Variants in UMAD1 observed in about 807,000 individuals in gnomAD.
The protein encoded by UMAD1 is UBAP1-MVB12-associated (UMA) domain containing 1, also known as UBAP1-MVB12-associated (UMA)-domain containing protein 1.
Under a neutral mutation model 6.1 loss-of-function variants are expected in UMAD1, and 8 were observed. That is an observed-to-expected ratio of 1.30 (90% CI 0.76 to 2.35). The LOEUF (loss-of-function observed/expected upper bound fraction) is 2.35. UMAD1 is among the 30% of genes most tolerant of loss of function. The pLI is 0.00. For synonymous variants in UMAD1, 56 were observed against 31.4 expected, an observed-to-expected ratio of 1.78 and a Z score of -2.61; for missense variants, 130 against 78.4, an observed-to-expected ratio of 1.66 and a Z score of -2.49.
At chr7:7,763,590 A>G (rs968797616) in intron 2 of UMAD1, among the ~76,000 whole-genome samples, 2 of 152,202 alleles carry the variant, frequency 1.3e-5, no homozygotes, top group African/African-American at 4.8e-5. Flanking sequence ...TAAGATTGAA[A>G]TTTAGGCCGG....
chr7:7,654,726 A>T (rs923325632), intron 1 of UMAD1, among the ~76,000 whole-genome samples: 2 of 152,120 alleles, frequency 1.3e-5, no homozygotes, highest in Non-Finnish European at 2.9e-5. Flanking sequence ...AATATGGTGA[A>T]ACCCCATCTC....
intron 2 of UMAD1, among the ~76,000 whole-genome samples, chr7:7,688,483 C>T (rs2115133343): frequency 6.6e-6 from 1 of 152,148 alleles, no homozygotes; most frequent in East Asian, 1.9e-4. Flanking sequence ...CTGCCTTGCC[C>T]TCAGCCCCGT....
At chr7:7,718,990 A>G (rs77244216) in intron 2 of UMAD1, among the ~76,000 whole-genome samples, 2,885 of 152,212 alleles carry the variant, frequency 0.019, 94 homozygotes, top group African/African-American at 0.066. Flanking sequence ...TCATATATTT[A>G]ATTCCAAAGA....
chr7:7,645,434 T>C (rs534211376), intron 1 of UMAD1, among the ~76,000 whole-genome samples: 5 of 152,348 alleles, frequency 3.3e-5, no homozygotes, highest in African/African-American at 1.2e-4. Context: ...TAGTTCTACA[T>C]TCAATATCTA....
At chr7:7,819,970 C>G (rs1192478083) in intron 3 of UMAD1, among the ~76,000 whole-genome samples, 1 of 152,156 alleles carries the variant, frequency 6.6e-6, no homozygotes, top group Admixed American at 6.5e-5. Context: ...GTGTTAAGTT[C>G]TAAGACTCAT....
At chr7:7,653,967 T>A (rs1023991209) in intron 1 of UMAD1, among the ~76,000 whole-genome samples, 2 of 152,186 alleles carry the variant, frequency 1.3e-5, no homozygotes, top group African/African-American at 2.4e-5. Context: ...GAAACCTTGG[T>A]CCAATGTAAT....
At position 7,792,431 on chromosome 7, in the gene UMAD1, T is replaced by C. The variant is rs1419091692; in HGVS notation, c.83-9239T>C. Among the ~76,000 whole-genome samples the C allele has an allele frequency of 2.6e-5, 4 of 152,206 alleles. No individual in the cohort carries two copies. The East Asian group carries it at 7.7e-4, about 29-fold the overall frequency. On this transcript the variant is annotated intron_variant, in intron 2 of 3. Coordinates refer to ENST00000682710, the MANE Select transcript of UMAD1 (RefSeq NM_001302348.2). ...CAGACAGGGATTAAATGGACAGAAT[T>C]AGAAAAAGTAGGAGGGGAAACTAAA...
intron 2 of UMAD1, chr7:7,741,940 T>A: frequency 4.4e-6 from 1 of 227,982 alleles, no homozygotes; most frequent in Non-Finnish European, 8.9e-6. Flanking sequence ...AAATCAATCG[T>A]TTTATAGTTA....
At chr7:7,873,715 C>T (rs550265403) in intron 3 of UMAD1, among the ~76,000 whole-genome samples, 15 of 152,282 alleles carry the variant, frequency 9.9e-5, no homozygotes, top group East Asian at 1.9e-4. Context: ...TGCTTTGTGA[C>T]GAGTTCCTTC....
chr7:7,668,851 C>G (rs1003627327), intron 1 of UMAD1, among the ~76,000 whole-genome samples: 3 of 152,118 alleles, frequency 2.0e-5, no homozygotes, highest in African/African-American at 7.2e-5. Context: ...AGCTTAAGCC[C>G]TCAAGGCCTC....
intron 3 of UMAD1, among the ~76,000 whole-genome samples, chr7:7,875,685 G>A (rs1317465489): frequency 1.3e-5 from 2 of 152,194 alleles, no homozygotes; most frequent in Non-Finnish European, 2.9e-5. Context: ...TTGTGAAATT[G>A]AGGCAGTAAT....
At chr7:7,846,216 A>G (rs934898447) in intron 3 of UMAD1, among the ~76,000 whole-genome samples, 2 of 152,180 alleles carry the variant, frequency 1.3e-5, no homozygotes, top group African/African-American at 4.8e-5. Flanking sequence ...GACACGTGTA[A>G]AGAATATATA....
chr7:7,647,918 TTTG>T lies in UMAD1; in HGVS notation c.-64+7109_-64+7111del, dbSNP rs376541808. Among the ~76,000 whole-genome samples, 23 of 152,302 alleles carry T rather than the reference TTTG, an allele frequency of 1.5e-4. No individual in the cohort carries two copies. The East Asian group carries it at 1.7e-3, about 12-fold the overall frequency. ...CTGTGCCTGGCTTGGCTTTAAAGTT[TTTG>T]TTGTTGTTGTTTGCTACTATTATAG... On this transcript the variant is annotated intron_variant, in intron 1 of 3. Coordinates refer to ENST00000682710, the MANE Select transcript of UMAD1 (RefSeq NM_001302348.2).
chr7:7,723,754 G>T (rs1175007018), intron 2 of UMAD1, among the ~76,000 whole-genome samples: 1 of 152,192 alleles, frequency 6.6e-6, no homozygotes, highest in Non-Finnish European at 1.5e-5. Flanking sequence ...CCAAGTGGTG[G>T]CACTCAGCCG....
chr7:7,767,012 T>G (rs946943594), intron 2 of UMAD1, among the ~76,000 whole-genome samples: 1 of 152,152 alleles, frequency 6.6e-6, no homozygotes, highest in South Asian at 2.1e-4. Flanking sequence ...AAGCAACAGT[T>G]TCAAGTTCTG....
intron 3 of UMAD1, among the ~76,000 whole-genome samples, chr7:7,849,944 A>G (rs573087189): frequency 2.6e-5 from 4 of 152,250 alleles, no homozygotes; most frequent in African/African-American, 7.2e-5. Flanking sequence ...AGCAAAGGCA[A>G]ATTAAAATAT....
intron 3 of UMAD1, among the ~76,000 whole-genome samples, chr7:7,860,247 T>C (rs1033275605): frequency 6.6e-6 from 1 of 152,146 alleles, no homozygotes; most frequent in Non-Finnish European, 1.5e-5. Flanking sequence ...TTAATTATGA[T>C]TTTTAAAGAC....
At chr7:7,792,268 C>T (rs758932613) in intron 2 of UMAD1, among the ~76,000 whole-genome samples, 1 of 152,188 alleles carries the variant, frequency 6.6e-6, no homozygotes, top group Non-Finnish European at 1.5e-5. Context: ...CTTAGCTGTT[C>T]CTGTTCTTGG....
At chr7:7,784,341 T>G (rs1420535254) in intron 2 of UMAD1, among the ~76,000 whole-genome samples, 20 of 150,446 alleles carry the variant, frequency 1.3e-4, no homozygotes, top group African/African-American at 4.9e-4. Flanking sequence ...ATCTCTGTTT[T>G]TTTTTTTTTT....
Sources: gnomAD v4.1 joint callset for allele counts (sites outside exome capture counted in the v4.1 genomes callset) on GRCh38, gnomAD v4.1.1 for gene constraint, MANE v1.5 for transcripts, NCBI Gene and HGNC (gene_info 2026-07-23, HGNC 2026-07-21) for gene names.